Variants in ETNK2 observed in about 807,000 individuals in gnomAD.
The protein encoded by ETNK2 is ethanolamine kinase 2, also known as ethanolamine kinase-like protein.
In ETNK2, 33 loss-of-function variants were observed where a neutral mutation model predicts 46.2. The ratio of observed to expected loss-of-function variants is 0.71; its 90% confidence interval spans 0.54 to 0.96. The LOEUF (loss-of-function observed/expected upper bound fraction) is 0.96. Among genes scored for constraint, ETNK2 ranks in the 40% least tolerant of loss-of-function variants. ETNK2 has a pLI of 0.00. For missense variants in ETNK2, 445 were observed against 509.7 expected (o/e 0.87, Z 1.22); for synonymous variants, 194 against 209.0 (o/e 0.93, Z 0.62).
intron 7 of ETNK2, among the ~76,000 whole-genome samples, chr1:204,134,232 G>A (rs541099606): frequency 6.6e-4 from 101 of 152,370 alleles, no homozygotes; most frequent in African/African-American, 2.4e-3. Flanking sequence ...GGATAGGTGC[G>A]CTGGAAGCAG....
At chr1:204,134,648 C>T (rs1328673322) in intron 6 of ETNK2, 60 bp from the exon 7 acceptor site, 1 of 1,613,996 alleles carries the variant, frequency 6.2e-7, no homozygotes, top group South Asian at 1.1e-5. Flanking sequence ...TCCGACTCTA[C>T]AGCACTGGAG....
intron 5 of ETNK2, among the ~76,000 whole-genome samples, chr1:204,138,103 C>T (rs111752934): frequency 2.6e-5 from 4 of 152,152 alleles, no homozygotes; most frequent in South Asian, 2.1e-4. Context: ...GCTCCAGGAG[C>T]GTGGCTAGAA....
At chr1:204,146,539 G>T in intron 3 of ETNK2, 103 bp downstream of exon 3, 1 of 1,388,142 alleles carries the variant, frequency 7.2e-7, no homozygotes, top group Non-Finnish European at 1.0e-6. Flanking sequence ...CCTCCTCCCC[G>T]AGACCTAAGC....
intron 3 of ETNK2, 137 bp from the exon 4 acceptor site, chr1:204,141,594 G>C (rs1657543030): frequency 1.1e-6 from 1 of 900,898 alleles, no homozygotes; most frequent in African/African-American, 1.7e-5. Context: ...CAATCTCTTA[G>C]ACCCTCACTT....
In ETNK2 at chr1:204,137,237, A is replaced by T; in HGVS notation, c.881T>A (p.Val294Glu). 6.2e-7 allele frequency: 1 copy of T among 1,613,586 alleles called. No homozygotes were observed. Among genetic ancestry groups the T allele is most frequent in the Non-Finnish European group, 8.5e-7 (1 of 1,179,724 alleles). ...CCGCGCCGGGTACAGGCAGTAATCC[A>T]CCTCATTCACGCCTGAGGGGGAGGC... ...HFNEFAGVNE[V>E]DYCLYPARET... Residue 294 changes from valine (V) to glutamate (E), a missense_variant, in exon 6 of 8, where the codon GTG (valine) becomes GAG (glutamate). Transcript: ENST00000367202.
chr1:204,146,258 G>A (rs1452912584), intron 3 of ETNK2, among the ~76,000 whole-genome samples: 2 of 152,108 alleles, frequency 1.3e-5, no homozygotes, highest in African/African-American at 4.8e-5. Context: ...GGTGGGGCAG[G>A]TGGAAAGAGC....
chr1:204,136,425 A>ATATATATATATG (rs1553301315), intron 6 of ETNK2, among the ~76,000 whole-genome samples: 3 of 149,410 alleles, frequency 2.0e-5, no homozygotes, highest in African/African-American at 7.5e-5. Context: ...ATATATATAT[A>ATATATATATATG]TATGCCGGGC....
intron 4 of ETNK2, chr1:204,141,004 T>C (rs1265911585): frequency 2.5e-6 from 1 of 401,502 alleles, no homozygotes. Flanking sequence ...GTGTATTTTT[T>C]TTGTAGAGAC....
chr1:204,148,483 C>T (rs532531497), intron 2 of ETNK2, among the ~76,000 whole-genome samples: 20 of 152,028 alleles, frequency 1.3e-4, no homozygotes, highest in African/African-American at 4.1e-4. Context: ...TCTGACTTCA[C>T]ATCTCCAGTC....
chr1:204,133,577 G>T (rs1171263725), intron 7 of ETNK2, among the ~76,000 whole-genome samples: 1 of 150,220 alleles, frequency 6.7e-6, no homozygotes, highest in Non-Finnish European at 1.5e-5. Flanking sequence ...TGTCGCCCAG[G>T]CTGGAGTGCA....
chr1:204,135,398 T>G (rs1369874868), intron 6 of ETNK2, among the ~76,000 whole-genome samples: 1 of 152,032 alleles, frequency 6.6e-6, no homozygotes, highest in Non-Finnish European at 1.5e-5. Flanking sequence ...ATAACAAACC[T>G]GCACGTGTAC....
In ETNK2 at chr1:204,131,355, GAC is replaced by G. The variant is rs1368601433; in HGVS notation, c.*827_*828del. The G allele has an allele frequency of 6.6e-6, 1 of 152,304 alleles. No individual in the cohort carries two copies. Among genetic ancestry groups the G allele is most frequent in the African/African-American group, 2.4e-5 (1 of 41,446 alleles). 9.4% of individuals were successfully genotyped at this position (152,304 alleles called of 1,614,324 possible). ...TCAGGACATAAAGTAGAGCTGGAGA[GAC>G]ATCCCTGGAAGGAGGGCCTGAGGGC... On this transcript the variant is annotated 3_prime_UTR_variant, in exon 8 of 8. Transcript: ENST00000367202. The surrounding 1 kb of genome is among the most constrained non-coding windows in gnomAD (Gnocchi z 4.3).
chr1:204,148,861 C>A (rs1207345405), intron 2 of ETNK2, among the ~76,000 whole-genome samples: 1 of 152,224 alleles, frequency 6.6e-6, no homozygotes, highest in African/African-American at 2.4e-5. Flanking sequence ...GATGCCAAGG[C>A]TCCTAGGCAG....
chr1:204,139,999 C>T (rs760119209), intron 5 of ETNK2, 36 bp downstream of exon 5: 4 of 1,578,928 alleles, frequency 2.5e-6, no homozygotes, highest in Admixed American at 1.7e-5. Context: ...TGAAACACCG[C>T]TACAAAGCAC....
At chr1:204,132,594 G>C (rs1405428218) in intron 7 of ETNK2, among the ~76,000 whole-genome samples, 2 of 152,122 alleles carry the variant, frequency 1.3e-5, no homozygotes, top group East Asian at 3.9e-4. Context: ...CACCACACCT[G>C]GCTAATATTT....
At position 204,151,256 on chromosome 1, in the gene ETNK2, A is replaced by T; in HGVS notation, c.258+339T>A. The T allele has an allele frequency of 4.5e-6, 2 of 441,834 alleles. No individual in the cohort carries two copies. The highest frequency in any genetic ancestry group is 8.1e-6 in the Non-Finnish European group (2 of 247,958). The allele number at this position is 441,834 out of a possible 1,614,324, so 27.4% of individuals were successfully genotyped here. ...AAAAGTTCCCGCCTCCTCAGGTTTC[A>T]GAGCTGGCTGGGTACGCGCTTCTGG... On this transcript the variant is annotated intron_variant, in intron 1 of 7. Transcript: ENST00000367202. The surrounding 1 kb of genome is among the most constrained non-coding windows in gnomAD (Gnocchi z 8.0).
At chr1:204,148,730 G>C (rs528876279) in intron 2 of ETNK2, among the ~76,000 whole-genome samples, 5 of 152,202 alleles carry the variant, frequency 3.3e-5, no homozygotes, top group Non-Finnish European at 7.3e-5. Flanking sequence ...AACACAGCCA[G>C]GTGCATTTGG....
intron 7 of ETNK2, among the ~76,000 whole-genome samples, chr1:204,132,633 A>G (rs1309655763): frequency 2.0e-5 from 3 of 152,048 alleles, no homozygotes; most frequent in Admixed American, 6.5e-5. Flanking sequence ...GGGTTTCACC[A>G]TGTTGCCCAG....
chr1:204,138,368 T>C (rs529327403), intron 5 of ETNK2, among the ~76,000 whole-genome samples: 56 of 152,304 alleles, frequency 3.7e-4, no homozygotes, highest in African/African-American at 1.3e-3. Flanking sequence ...ATCTACCCCT[T>C]TGGAGAAATT....
Sources: allele counts gnomAD v4.1 joint callset (sites outside exome capture counted in the v4.1 genomes callset), GRCh38; gene constraint gnomAD v4.1.1; non-coding constraint Gnocchi (gnomAD v3.1); transcripts MANE v1.5; gene names NCBI Gene and HGNC (gene_info 2026-07-23, HGNC 2026-07-21).